The following CAMK1D variants were observed in gnomAD, a reference collection of about 807,000 sequenced individuals.
The protein encoded by CAMK1D is calcium/calmodulin dependent protein kinase ID, also known as calcium/calmodulin-dependent protein kinase type 1D.
In CAMK1D, 9 loss-of-function variants were observed where a neutral mutation model predicts 47.7. The ratio of observed to expected loss-of-function variants is 0.19; its 90% CI spans 0.11 to 0.33. The LOEUF is 0.33. Among genes scored for constraint, CAMK1D ranks in the 10% least tolerant of loss-of-function variants. The probability of loss-of-function intolerance (pLI) is 1.00; values close to 1 mark genes in which losing one functional copy is unlikely to be tolerated. For missense variants in CAMK1D, 291 were observed against 488.7 expected, an observed-to-expected ratio of 0.60 and a Z score of 3.81; for synonymous variants, 184 against 184.9, an observed-to-expected ratio of 0.99 and a Z score of 0.04.
intron 2 of CAMK1D, among the ~76,000 whole-genome samples, chr10:12,587,548 T>TA (rs5783279): frequency 1.7e-4 from 24 of 138,618 alleles, no homozygotes; most frequent in Admixed American, 4.4e-4. Context: ...CAGACATCAT[T>TA]AAAAAAAAAA....
intron 1 of CAMK1D, among the ~76,000 whole-genome samples, chr10:12,400,339 G>A (rs557572679): frequency 1.8e-4 from 28 of 152,286 alleles, no homozygotes; most frequent in Admixed American, 4.6e-4. Flanking sequence ...TTCACTGTGA[G>A]CTCACTTCTT....
intron 1 of CAMK1D, among the ~76,000 whole-genome samples, chr10:12,408,848 C>CTTTTTTTTTTTTTTT (rs113921067): frequency 1.6e-5 from 2 of 121,870 alleles, no homozygotes; most frequent in African/African-American, 3.1e-5. Flanking sequence ...TTCTTTCTTT[C>CTTTTTTTTTTTTTTT]TTTTTTTTTT....
intron 2 of CAMK1D, among the ~76,000 whole-genome samples, chr10:12,588,151 C>A (rs1279407996): frequency 2.0e-5 from 3 of 152,114 alleles, no homozygotes; most frequent in East Asian, 3.9e-4. Flanking sequence ...CATTTGGGGA[C>A]CCCAGCTGCT....
At chr10:12,569,357 C>T (rs535687685) in intron 2 of CAMK1D, among the ~76,000 whole-genome samples, 15 of 152,058 alleles carry the variant, frequency 9.9e-5, no homozygotes, top group Non-Finnish European at 1.8e-4. Context: ...CTTGTTATTT[C>T]GAACTCTGTT....
At chr10:12,533,101 G>C (rs985614803) in intron 1 of CAMK1D, among the ~76,000 whole-genome samples, 4 of 152,120 alleles carry the variant, frequency 2.6e-5, no homozygotes, top group Non-Finnish European at 5.9e-5. Flanking sequence ...GTAACACAAA[G>C]GATAATTGCT....
At chr10:12,401,064 T>TA (rs1839166251) in intron 1 of CAMK1D, among the ~76,000 whole-genome samples, 1 of 94,736 alleles carries the variant, frequency 1.1e-5, no homozygotes, top group Non-Finnish European at 2.0e-5. Context: ...TATATATATA[T>TA]TTTATATATA....
At chr10:12,605,865 G>A (rs548153981) in intron 2 of CAMK1D, among the ~76,000 whole-genome samples, 6 of 152,300 alleles carry the variant, frequency 3.9e-5, no homozygotes, top group African/African-American at 1.4e-4. Context: ...GCCTCTCCCC[G>A]GGGCCTGTGG....
intron 1 of CAMK1D, among the ~76,000 whole-genome samples, chr10:12,380,575 C>T (rs566969656): frequency 6.6e-6 from 1 of 152,076 alleles, no homozygotes; most frequent in Non-Finnish European, 1.5e-5. Flanking sequence ...GACCATTTCT[C>T]AGCTGGGCGC....
chr10:12,660,482 C>G (rs920359691), intron 2 of CAMK1D, among the ~76,000 whole-genome samples: 3 of 152,162 alleles, frequency 2.0e-5, no homozygotes, highest in African/African-American at 7.2e-5. Context: ...ATTTTTTATG[C>G]ATGAATTAAT....
chr10:12,448,203 TTA>T (rs1832978215), intron 1 of CAMK1D, among the ~76,000 whole-genome samples: 3 of 151,684 alleles, frequency 2.0e-5, no homozygotes, highest in Non-Finnish European at 4.4e-5. Flanking sequence ...TTATTTTTAT[TTA>T]TTTATTTTTT....
chr10:12,428,946 C>T lies in CAMK1D; in HGVS notation c.92+79036C>T, dbSNP rs548143604. On this transcript the variant is annotated intron_variant, in intron 1 of 10. Coordinates refer to ENST00000619168, the MANE Select transcript of CAMK1D (RefSeq NM_153498.4). ...CACCAGAACCCAACCCTGCTAGCAC[C>T]GTGATCTTGGACCTCCAGCCTCCAA... 3.9e-5 allele frequency among the ~76,000 whole-genome samples: 6 copies of T among 152,316 alleles called. No homozygotes were observed. The South Asian group carries it at 8.3e-4, about 21-fold the overall frequency.
intron 1 of CAMK1D, among the ~76,000 whole-genome samples, chr10:12,477,389 TG>T (rs773699783): frequency 3.9e-5 from 6 of 152,176 alleles, no homozygotes; most frequent in Non-Finnish European, 7.4e-5. Context: ...CACTCCAACC[TG>T]GGTGACAGAG....
chr10:12,569,050 C>G (rs530991474), intron 2 of CAMK1D, among the ~76,000 whole-genome samples: 27 of 152,208 alleles, frequency 1.8e-4, no homozygotes, highest in African/African-American at 6.0e-4. Context: ...GAAGAAAATA[C>G]TGACTCAAGA....
At chr10:12,504,886 C>A (rs530785207) in intron 1 of CAMK1D, among the ~76,000 whole-genome samples, 1 of 152,344 alleles carries the variant, frequency 6.6e-6, no homozygotes, top group Admixed American at 6.5e-5. Context: ...TTTCTTGCCC[C>A]CTATGATGCT....
intron 1 of CAMK1D, among the ~76,000 whole-genome samples, chr10:12,468,616 A>AGC (rs775306060): frequency 5.3e-5 from 8 of 152,132 alleles, no homozygotes; most frequent in Non-Finnish European, 1.2e-4. Flanking sequence ...CCCACACAGG[A>AGC]GCACTGCCTG....
chr10:12,695,714 G>C (rs993071850), intron 3 of CAMK1D, among the ~76,000 whole-genome samples: 8 of 152,100 alleles, frequency 5.3e-5, no homozygotes, highest in African/African-American at 1.9e-4. Flanking sequence ...TAGAGGTGTT[G>C]AAGTCCCACC....
intron 3 of CAMK1D, among the ~76,000 whole-genome samples, chr10:12,668,037 G>T (rs1485644778): frequency 6.6e-6 from 1 of 152,194 alleles, no homozygotes; most frequent in East Asian, 1.9e-4. Flanking sequence ...ATAAGTCAAA[G>T]AAGTTTTTTT....
intron 2 of CAMK1D, among the ~76,000 whole-genome samples, chr10:12,663,965 A>G (rs1210682965): frequency 6.6e-6 from 1 of 152,138 alleles, no homozygotes; most frequent in Non-Finnish European, 1.5e-5. Flanking sequence ...AGTTAATTAA[A>G]CCACTTTTCT....
chr10:12,630,382 T>TG lies in CAMK1D; in HGVS notation c.225-36354_225-36353insG, dbSNP rs1196279670. Among the ~76,000 whole-genome samples the TG allele has an allele frequency of 7.5e-5, 10 of 132,690 alleles. 1 individual carries two copies. Among genetic ancestry groups the TG allele is most frequent in the African/African-American group, 2.7e-4 (10 of 36,842 alleles). 87.0% of individuals were successfully genotyped at this position (132,690 alleles called of 152,430 possible). On this transcript the variant is annotated intron_variant, in intron 2 of 10. Coordinates refer to ENST00000619168, the MANE Select transcript of CAMK1D (RefSeq NM_153498.4). ...TACTTTCTTTTTCTTTCTTTTTTTT[T>TG]TTTTTTAAAAAAAAGACAGGATCTC...
Sources: gnomAD v4.1 joint callset for allele counts (sites outside exome capture counted in the v4.1 genomes callset) on GRCh38, gnomAD v4.1.1 for gene constraint, MANE v1.5 for transcripts, NCBI Gene and HGNC (gene_info 2026-07-23, HGNC 2026-07-21) for gene names.